PCDH9: variants seen among roughly 807,000 people sequenced by gnomAD.
The protein encoded by PCDH9 is protocadherin-9.
PCDH9 carries 24 observed loss-of-function variants against 70.6 expected under a neutral mutation model. The observed-to-expected ratio is 0.34, with a 90% CI of 0.25 to 0.48. The LOEUF is 0.48. PCDH9 is among the 20% of genes least tolerant of loss of function. The pLI, the probability that PCDH9 is intolerant of heterozygous loss-of-function variation, is 0.99. For synonymous variants in PCDH9, 562 were observed against 558.5 expected, an observed-to-expected ratio of 1.01 and a Z score of -0.09; for missense variants, 1,281 against 1,503.6, an observed-to-expected ratio of 0.85 and a Z score of 2.45.
chr13:66,592,775 G>C (rs1247790281), intron 4 of PCDH9, among the ~76,000 whole-genome samples: 5 of 151,702 alleles, frequency 3.3e-5, no homozygotes, highest in African/African-American at 1.2e-4. Flanking sequence ...ACAGAACAAG[G>C]AGAAAATGAC....
intron 2 of PCDH9, among the ~76,000 whole-genome samples, chr13:66,937,415 C>T (rs1361821303): frequency 6.6e-6 from 1 of 152,210 alleles, no homozygotes; most frequent in Non-Finnish European, 1.5e-5. Context: ...CTATCTGCAT[C>T]ATATGTATCA....
chr13:66,784,060 C>T (rs6650345), intron 3 of PCDH9, among the ~76,000 whole-genome samples: 10 of 152,102 alleles, frequency 6.6e-5, no homozygotes, highest in African/African-American at 2.2e-4. Context: ...GAAAAAATAG[C>T]CATATAAAAA....
chr13:66,599,563 T>G (rs1370539978), intron 4 of PCDH9, among the ~76,000 whole-genome samples: 1 of 151,760 alleles, frequency 6.6e-6, no homozygotes, highest in Non-Finnish European at 1.5e-5. Flanking sequence ...TTTTTTTTTT[T>G]TGAGAGAGGG....
At chr13:66,343,794 C>G (rs1209871872) in intron 4 of PCDH9, among the ~76,000 whole-genome samples, 1 of 152,116 alleles carries the variant, frequency 6.6e-6, no homozygotes, top group African/African-American at 2.4e-5. Context: ...AGGACATGAA[C>G]ATCGCTGTGG....
chr13:66,863,472 C>T (rs893185755), intron 3 of PCDH9, among the ~76,000 whole-genome samples: 1 of 151,842 alleles, frequency 6.6e-6, no homozygotes, highest in African/African-American at 2.4e-5. Context: ...GTATAATACC[C>T]ATTTTTGTTT....
intron 2 of PCDH9, among the ~76,000 whole-genome samples, chr13:67,087,226 C>A (rs2086126578): frequency 6.6e-6 from 1 of 151,926 alleles, no homozygotes; most frequent in African/African-American, 2.4e-5. Flanking sequence ...ACCTGGACAG[C>A]CTGTATTTCA....
rs182789332 is a variant in PCDH9 at position 66,915,002 on chromosome 13, A to G, written c.3037-11397T>C. 322 of 151,868 alleles carry G rather than the reference A, an allele frequency of 2.1e-3. 4 individuals carry two copies. The highest frequency in any genetic ancestry group is 7.3e-3 in the African/African-American group (302 of 41,508). 9.4% of individuals were successfully genotyped at this position (151,868 alleles called of 1,614,324 possible). A position where few individuals can be genotyped will look rare whatever the true frequency, so the allele number is the denominator to read the frequency against. On this transcript the variant is annotated intron_variant, in intron 2 of 4. Transcript: ENST00000377865. The stretch of plus-strand genomic sequence containing the variant: ...AGAACAACCGTATTTTTGTTTTAAA[A>G]TGATATTAAAATAAATACATTTACT...
intron 4 of PCDH9, among the ~76,000 whole-genome samples, chr13:66,333,414 T>C (rs532691473): frequency 2.6e-5 from 4 of 152,298 alleles, no homozygotes; most frequent in African/African-American, 7.2e-5. Flanking sequence ...TGCCATGTTC[T>C]GCACAATCCA....
chr13:66,529,156 T>C (rs942457471), intron 4 of PCDH9, among the ~76,000 whole-genome samples: 1 of 152,092 alleles, frequency 6.6e-6, no homozygotes, highest in Non-Finnish European at 1.5e-5. Context: ...AATGGCTAAT[T>C]GCACATAAAG....
intron 3 of PCDH9, among the ~76,000 whole-genome samples, chr13:66,752,277 C>G (rs936610459): frequency 3.3e-5 from 5 of 152,128 alleles, no homozygotes; most frequent in Admixed American, 3.3e-4. Context: ...AGGCTTTGAT[C>G]TTTTTAAAAT....
intron 4 of PCDH9, among the ~76,000 whole-genome samples, chr13:66,430,181 A>C (rs1957746675): frequency 6.6e-6 from 1 of 152,096 alleles, no homozygotes; most frequent in African/African-American, 2.4e-5. Context: ...TCACACAGCA[A>C]AAGCTACTAT....
intron 2 of PCDH9, among the ~76,000 whole-genome samples, chr13:67,111,147 T>A (rs1158049152): frequency 6.6e-6 from 1 of 152,230 alleles, no homozygotes; most frequent in African/African-American, 2.4e-5. Flanking sequence ...AAGATTCTAA[T>A]TATATGTGCA....
intron 3 of PCDH9, among the ~76,000 whole-genome samples, chr13:66,754,759 A>T (rs2079515003): frequency 6.6e-6 from 1 of 152,188 alleles, no homozygotes; most frequent in Admixed American, 6.5e-5. Flanking sequence ...CTAGATCAAA[A>T]TAATACATCA....
chr13:66,999,868 C>T (rs912560472), intron 2 of PCDH9, among the ~76,000 whole-genome samples: 23 of 152,090 alleles, frequency 1.5e-4, no homozygotes, highest in Non-Finnish European at 2.8e-4. Context: ...GAAATAGGAA[C>T]ACTACACTGT....
At chr13:67,007,709 G>A (rs1566359121) in intron 2 of PCDH9, among the ~76,000 whole-genome samples, 2 of 152,106 alleles carry the variant, frequency 1.3e-5, no homozygotes, top group East Asian at 1.9e-4. Context: ...TTTTGTTTCC[G>A]TGTTCCTCAT....
At chr13:67,194,721 C>T (rs540204530) in intron 2 of PCDH9, among the ~76,000 whole-genome samples, 6 of 152,058 alleles carry the variant, frequency 3.9e-5, no homozygotes, top group Non-Finnish European at 7.4e-5. Flanking sequence ...ATAGAATTGC[C>T]AGGAAATGGA....
At chr13:67,127,106 A>T (rs1398676584) in intron 2 of PCDH9, among the ~76,000 whole-genome samples, 1 of 152,174 alleles carries the variant, frequency 6.6e-6, no homozygotes, top group Non-Finnish European at 1.5e-5. Context: ...GTATTTTTGC[A>T]TTATACAAAG....
intron 2 of PCDH9, among the ~76,000 whole-genome samples, chr13:67,181,019 AT>A (rs745772216): frequency 1.1e-4 from 16 of 152,296 alleles, no homozygotes; most frequent in Non-Finnish European, 5.9e-5. Context: ...TGTGATTTTA[AT>A]TACTAAAAAT....
chr13:67,196,565 G>A (rs1436001282), intron 2 of PCDH9, among the ~76,000 whole-genome samples: 1 of 152,026 alleles, frequency 6.6e-6, no homozygotes, highest in Non-Finnish European at 1.5e-5. Flanking sequence ...ATGGAGAAAA[G>A]CATCTCTGCG....
Sources: gnomAD v4.1 joint callset for allele counts (sites outside exome capture counted in the v4.1 genomes callset) on GRCh38, gnomAD v4.1.1 for gene constraint, MANE v1.5 for transcripts, NCBI Gene and HGNC (gene_info 2026-07-23, HGNC 2026-07-21) for gene names.